The following LITAF variants were observed in gnomAD, a reference collection of about 807,000 sequenced individuals.
LITAF encodes the protein lipopolysaccharide-induced tumor necrosis factor-alpha factor.
A neutral mutation model predicts 14.5 loss-of-function variants in LITAF; 9 were observed. The observed-to-expected ratio is 0.62, with a 90% CI of 0.37 to 1.08. The LOEUF is 1.08. Ranked by LOEUF, LITAF falls within the 50% of genes least tolerant of loss-of-function variation. The probability of loss-of-function intolerance (pLI) is 0.01; values close to 1 mark genes in which losing one functional copy is unlikely to be tolerated. For missense variants in LITAF, 206 were observed against 213.4 expected (o/e 0.97, Z 0.22); for synonymous variants, 98 against 88.2 (o/e 1.11, Z -0.62).
At chr16:11,595,548 T>C (rs1174018336) in intron 1 of LITAF, among the ~76,000 whole-genome samples, 3 of 152,016 alleles carry the variant, frequency 2.0e-5, no homozygotes, top group African/African-American at 7.2e-5. Flanking sequence ...GCTAACACAG[T>C]GAAACCCTGT....
intron 3 of LITAF, among the ~76,000 whole-genome samples, chr16:11,631,063 A>G (rs1036398705): frequency 3.9e-5 from 6 of 152,200 alleles, no homozygotes; most frequent in Non-Finnish European, 1.5e-5. Context: ...TAACAAGGTT[A>G]AAGTCACCTG....
At chr16:11,627,742 G>A (rs2065092687) in intron 3 of LITAF, among the ~76,000 whole-genome samples, 1 of 152,190 alleles carries the variant, frequency 6.6e-6, no homozygotes, top group Admixed American at 6.5e-5. Context: ...TACTCTGGAG[G>A]CTGACGCAGG....
intron 3 of LITAF, among the ~76,000 whole-genome samples, chr16:11,617,189 C>G (rs909629339): frequency 1.3e-5 from 2 of 151,994 alleles, no homozygotes; most frequent in Non-Finnish European, 2.9e-5. Context: ...GAATACACTT[C>G]AACCTGGGTG....
rs568347672 is a variant in LITAF, at chr16:11,566,795, T to TA, written c.-5-10061dup. Reference sequence around the variant, plus strand: ...GACAGAGGAAGACTCTACCTTGGGTTAAAAAAAAAAAAAGATTTAGGAGTA... The same window carrying TA: ...GACAGAGGAAGACTCTACCTTGGGTTAAAAAAAAAAAAAAGATTTAGGAGTA... On this transcript the variant is annotated intron_variant, in intron 1 of 3. Coordinates refer to ENST00000622633, the MANE Select transcript of LITAF (RefSeq NM_001136472.2). Among the ~76,000 whole-genome samples the TA allele has an allele frequency of 4.2e-3, 596 of 142,760 alleles. 8 individuals are homozygous for TA. The highest frequency in any genetic ancestry group is 0.029 in the South Asian group (128 of 4,484). 93.7% of individuals were successfully genotyped at this position (142,760 alleles called of 152,430 possible).
rs746100197 is a variant in LITAF, at chr16:11,553,646, C to T, written c.264G>A (p.Leu88=). Residue 88 remains leucine, a synonymous_variant, in exon 3 of 4, where the codon TTG becomes TTA. Transcript: ENST00000622633. This position sits in a 1 kb window ranked among gnomAD's most constrained non-coding sequence, Gnocchi z 7.7. ...TVYVQHPITF[L]DRPIQMCCPS... ...GACAACACATTTGGATAGGGCGGTC[C>T]AAAAAGGTGATGGGGTGCTGCACGT... The T allele has an allele frequency of 1.9e-6, 3 of 1,613,946 alleles. No homozygotes were observed. Among genetic ancestry groups the T allele is most frequent in the East Asian group, 2.2e-5 (1 of 44,870 alleles).
At chr16:11,594,830 C>T (rs539443784) in intron 1 of LITAF, among the ~76,000 whole-genome samples, 1 of 151,788 alleles carries the variant, frequency 6.6e-6, no homozygotes, top group South Asian at 2.1e-4. Flanking sequence ...GAGCCAAGAT[C>T]ATGCCACTGC....
At chr16:11,606,559 G>C (rs1337820137) in intron 3 of LITAF, among the ~76,000 whole-genome samples, 1 of 152,156 alleles carries the variant, frequency 6.6e-6, no homozygotes, top group Non-Finnish European at 1.5e-5. Context: ...ATATGCACTG[G>C]AAAACCAAAA....
At chr16:11,638,701 C>CAAAAAAA (rs57170972), upstream of LITAF, among the ~76,000 whole-genome samples, 18 of 75,954 alleles carry the variant, frequency 2.4e-4, 1 homozygote, top group East Asian at 8.6e-4. Context: ...GACTCTGTCT[C>CAAAAAAA]AAAAAAAAAA....
chr16:11,591,934 T>G (rs564815891), upstream of LITAF, among the ~76,000 whole-genome samples: 5 of 152,288 alleles, frequency 3.3e-5, no homozygotes, highest in Admixed American at 3.3e-4. Flanking sequence ...GATATCCACA[T>G]GTAGAAGAAT....
chr16:11,627,842 T>A (rs2065093326), intron 3 of LITAF, among the ~76,000 whole-genome samples: 2 of 151,192 alleles, frequency 1.3e-5, no homozygotes, highest in Admixed American at 6.6e-5. Flanking sequence ...AGACTCAATA[T>A]CAAAAAATAA....
Position 11,577,162 on chromosome 16 carries a change from C to T in LITAF, c.-6+9724G>A, listed in dbSNP as rs13334244. The stretch of plus-strand genomic sequence containing the variant: ...ATATTACGTTACTCTCTGCCCACCC[C>T]AGGGGAAGGGATGTGATCTATATTT... On this transcript the variant is annotated intron_variant, in intron 1 of 3. Transcript: ENST00000622633. 6.8e-3 allele frequency among the ~76,000 whole-genome samples: 1,029 copies of T among 152,278 alleles called. 14 individuals carry two copies. Among genetic ancestry groups the T allele is most frequent in the African/African-American group, 0.024 (983 of 41,560 alleles).
intron 1 of LITAF, among the ~76,000 whole-genome samples, chr16:11,595,366 G>C (rs2141856009): frequency 6.6e-6 from 1 of 152,292 alleles, no homozygotes. Context: ...TGCCAAGATG[G>C]AGCTGAAACG....
chr16:11,621,321 C>T (rs2141894025), intron 3 of LITAF, among the ~76,000 whole-genome samples: 1 of 152,330 alleles, frequency 6.6e-6, no homozygotes, highest in South Asian at 2.1e-4. Context: ...ACCTCGGCCT[C>T]CCAAAGTGCT....
chr16:11,557,541 C>T (rs1304881566), intron 1 of LITAF, among the ~76,000 whole-genome samples: 1 of 152,108 alleles, frequency 6.6e-6, no homozygotes, highest in Non-Finnish European at 1.5e-5. Flanking sequence ...CCTCCACCAC[C>T]CAGGCTCAGG....
intron 1 of LITAF, among the ~76,000 whole-genome samples, chr16:11,568,509 A>C (rs1335810450): frequency 6.6e-6 from 1 of 151,986 alleles, no homozygotes; most frequent in Non-Finnish European, 1.5e-5. Flanking sequence ...GGCTTTCTTC[A>C]TGGGTATCAA....
At chr16:11,563,717 G>A (rs1597340018) in intron 1 of LITAF, among the ~76,000 whole-genome samples, 1 of 152,040 alleles carries the variant, frequency 6.6e-6, no homozygotes, top group Non-Finnish European at 1.5e-5. Flanking sequence ...GATCAGCCGA[G>A]GATGGAAAGT....
At position 11,549,402 on chromosome 16, in the gene LITAF, G is replaced by C; in HGVS notation, c.*235C>G. On this transcript the variant is annotated 3_prime_UTR_variant, in exon 4 of 4. Transcript: ENST00000622633. This position sits in a 1 kb window ranked among gnomAD's most constrained non-coding sequence, Gnocchi z 4.6. ...GGGTCTCAGGGAGGCAGGAAACCGTGGAACTGACACTCAAGGGGAATGTCT... is the reference window on the plus strand; with the variant it reads ...GGGTCTCAGGGAGGCAGGAAACCGTCGAACTGACACTCAAGGGGAATGTCT... 1 of 573,378 alleles carries C rather than the reference G, an allele frequency of 1.7e-6. No individual in the cohort carries two copies. The highest frequency in any genetic ancestry group is 3.3e-6 in the Non-Finnish European group (1 of 302,598). 35.5% of individuals were successfully genotyped at this position (573,378 alleles called of 1,614,324 possible). A position where few individuals can be genotyped will look rare whatever the true frequency, so the allele number is the denominator to read the frequency against.
At chr16:11,578,204 T>C (rs1439671065) in intron 1 of LITAF, among the ~76,000 whole-genome samples, 1 of 151,808 alleles carries the variant, frequency 6.6e-6, no homozygotes, top group Non-Finnish European at 1.5e-5. Flanking sequence ...TCGTAGGAGG[T>C]GGAATTTAAT....
intron 3 of LITAF, chr16:11,551,913 C>T: frequency 2.4e-6 from 1 of 411,054 alleles, no homozygotes; most frequent in South Asian, 5.1e-5. Context: ...TATCCAGAGG[C>T]AATGGACTTT....
Sources: allele counts gnomAD v4.1 joint callset (sites outside exome capture counted in the v4.1 genomes callset), GRCh38; gene constraint gnomAD v4.1.1; non-coding constraint Gnocchi (gnomAD v3.1); transcripts MANE v1.5; gene names NCBI Gene and HGNC (gene_info 2026-07-23, HGNC 2026-07-21).